Variants in PITPNM3 observed in about 807,000 individuals in gnomAD.
The protein encoded by PITPNM3 is membrane-associated phosphatidylinositol transfer protein 3.
A neutral mutation model predicts 102.0 loss-of-function variants in PITPNM3; 26 were observed. The observed-to-expected ratio is 0.25, with a 90% CI of 0.19 to 0.35. PITPNM3 has a LOEUF of 0.35. Ranked by LOEUF, PITPNM3 falls within the 10% of genes least tolerant of loss-of-function variation. The pLI, the probability that PITPNM3 is intolerant of heterozygous loss-of-function variation, is 1.00. For synonymous variants in PITPNM3, 578 were observed against 558.6 expected (o/e 1.03, Z -0.49); for missense variants, 1,083 against 1,346.1 (o/e 0.80, Z 3.06).
chr17:6,467,486 G>A (rs1904845218), intron 14 of PITPNM3, among the ~76,000 whole-genome samples: 2 of 152,174 alleles, frequency 1.3e-5, no homozygotes, highest in African/African-American at 4.8e-5. Flanking sequence ...ATCTAAATGG[G>A]TAAATTATAG....
At position 6,534,334 on chromosome 17, in the gene PITPNM3, A is replaced by G. The variant is rs536670242; in HGVS notation, c.118+3653T>C. ...AGTTGTTATGGTTCCAGAGAGCTCA[A>G]TACTCCTGCCTGACTGTTCCCTAAT... On this transcript the variant is annotated intron_variant, in intron 2 of 19. Transcript: ENST00000262483. 1.8e-4 allele frequency among the ~76,000 whole-genome samples: 28 copies of G among 152,286 alleles called. No individual in the cohort carries two copies. The East Asian group carries it at 5.4e-3, about 29-fold the overall frequency.
chr17:6,509,272 T>C (rs1286301087), intron 3 of PITPNM3, among the ~76,000 whole-genome samples: 1 of 152,132 alleles, frequency 6.6e-6, no homozygotes, highest in Non-Finnish European at 1.5e-5. Context: ...CAACAAATCA[T>C]GAGTTCCCCA....
intron 4 of PITPNM3, among the ~76,000 whole-genome samples, chr17:6,498,316 C>T (rs565335165): frequency 9.3e-4 from 142 of 152,212 alleles, no homozygotes; most frequent in Non-Finnish European, 1.9e-3. Context: ...GAAAACTGTG[C>T]TTAGAGAGTC....
intron 1 of PITPNM3, among the ~76,000 whole-genome samples, chr17:6,547,175 G>A (rs1232099481): frequency 1.3e-5 from 2 of 151,926 alleles, no homozygotes; most frequent in Non-Finnish European, 2.9e-5. Context: ...AAACTGATGT[G>A]CCTCCTGTCA....
chr17:6,476,280 C>T (rs1167050749), intron 9 of PITPNM3, among the ~76,000 whole-genome samples: 1 of 151,966 alleles, frequency 6.6e-6, no homozygotes, highest in Non-Finnish European at 1.5e-5. Flanking sequence ...GTAATGACCT[C>T]ATGATACTTA....
intron 2 of PITPNM3, among the ~76,000 whole-genome samples, chr17:6,527,166 T>C (rs963131296): frequency 7.2e-5 from 11 of 152,348 alleles, no homozygotes; most frequent in Admixed American, 7.2e-4. Context: ...ACAAATAATA[T>C]AGCAAATTTG....
chr17:6,524,253 C>T (rs559184215), intron 3 of PITPNM3, among the ~76,000 whole-genome samples: 119 of 152,132 alleles, frequency 7.8e-4, no homozygotes, highest in Non-Finnish European at 1.4e-3. Flanking sequence ...CAACTCTGGG[C>T]CAGAGCACGA....
rs2038218786 is a variant in PITPNM3 at position 6,470,528 on chromosome 17, C to T, written c.1625-120G>A. Reference sequence around the variant, plus strand: ...GCCCCACGTGGGGCACGGGTTTGGGCGGGAGCACCCTGGCCTGGAGGAGGC... The same window carrying T: ...GCCCCACGTGGGGCACGGGTTTGGGTGGGAGCACCCTGGCCTGGAGGAGGC... On this transcript the variant is annotated intron_variant, in intron 12 of 19. Coordinates refer to ENST00000262483, the MANE Select transcript of PITPNM3 (RefSeq NM_031220.4). The surrounding 1 kb of genome is among the most constrained non-coding windows in gnomAD (Gnocchi z 4.8). 3.0e-6 allele frequency: 4 copies of T among 1,355,328 alleles called. No individual in the cohort carries two copies. Among genetic ancestry groups the T allele is most frequent in the South Asian group, 2.4e-5 (2 of 83,596 alleles). The allele number at this position is 1,355,328 out of a possible 1,614,324, so 84.0% of individuals were successfully genotyped here. A position where few individuals can be genotyped will look rare whatever the true frequency, so the allele number is the denominator to read the frequency against.
In PITPNM3 at chr17:6,464,238, G is replaced by A. The variant is rs561217506; in HGVS notation, c.2088C>T (p.Arg696=). Residue 696 remains arginine, a synonymous_variant, in exon 16 of 20, where the codon CGC becomes CGT. Coordinates refer to ENST00000262483, the MANE Select transcript of PITPNM3 (RefSeq NM_031220.4). ...LDTEITNSSG[R]ITYNVPRPRR... ...GGGGCCGCGGCACATTGTATGTGAT[G>A]CGACCACTGCTGTTGGTGATCTCTG... 6.2e-7 allele frequency: 1 copy of A among 1,614,186 alleles called. No homozygotes were observed. Among genetic ancestry groups the A allele is most frequent in the South Asian group, 1.1e-5 (1 of 91,084 alleles).
In PITPNM3 at chr17:6,483,604, G is replaced by A. The variant is rs200248038; in HGVS notation, c.500C>T (p.Ala167Val). The change falls in exon 6 of 20, where the codon GCC becomes GTC. Residue 167 changes from alanine to valine, a missense_variant. Physicochemically the swap from Ala to Val is moderately conservative, Grantham distance 64 (BLOSUM62 0). Transcript: ENST00000262483. The stretch of plus-strand genomic sequence containing the variant: ...GTGGCCCAGGGCAGCAGGGAAATGG[G>A]CTCGTGTGACCTTCTCCAGCACGGA... ...FSSVLEKVTR[A>V]HFPAALGHIL... 15 of 1,614,126 alleles carry A rather than the reference G, an allele frequency of 9.3e-6. No individual in the cohort carries two copies. Among genetic ancestry groups the A allele is most frequent in the Non-Finnish European group, 1.2e-5 (14 of 1,180,028 alleles).
In PITPNM3 at chr17:6,489,520, G is replaced by A. The variant is rs368582115; in HGVS notation, c.275-5228C>T. 7.9e-5 allele frequency among the ~76,000 whole-genome samples: 12 copies of A among 151,876 alleles called. No individual in the cohort carries two copies. The East Asian group carries it at 9.6e-4, about 12-fold the overall frequency. ...AAACCGGCCCAGGTCACCAGGCCAG[G>A]GCTCTTCATCATCCTGAAGGAGGGG... On this transcript the variant is annotated intron_variant, in intron 4 of 19. Coordinates refer to ENST00000262483, the MANE Select transcript of PITPNM3 (RefSeq NM_031220.4).
In PITPNM3 at chr17:6,491,380, C is replaced by T. The variant is rs1906472818; in HGVS notation, c.275-7088G>A. On this transcript the variant is annotated intron_variant, in intron 4 of 19. Transcript: ENST00000262483. ...CCTGCGGCCACACAAGATGTGGGGA[C>T]CAACAGCCAGTAGCAGATGCGGATG... Among the ~76,000 whole-genome samples the T allele has an allele frequency of 2.0e-5, 3 of 152,106 alleles. No homozygotes were observed. In the South Asian group the frequency reaches 6.2e-4, roughly 32 times the overall value.
chr17:6,455,009 G>A lies in PITPNM3; in HGVS notation c.*329C>T, dbSNP rs1013856832. 2.7e-6 allele frequency: 1 copy of A among 366,154 alleles called. No homozygotes were observed. Among genetic ancestry groups the A allele is most frequent in the East Asian group, 5.0e-5 (1 of 20,044 alleles). The allele number at this position is 366,154 out of a possible 1,614,324, so 22.7% of individuals were successfully genotyped here. ...CTCGCTGTGAAGCCTGGGGACGCAG[G>A]AGGGTGGTCGACTTTGCCCAAACGC... is the stretch of plus-strand genomic sequence containing the variant. On this transcript the variant is annotated 3_prime_UTR_variant, in exon 20 of 20. Transcript: ENST00000262483.
chr17:6,552,512 C>T (rs1010963808), intron 1 of PITPNM3, among the ~76,000 whole-genome samples: 4 of 152,214 alleles, frequency 2.6e-5, no homozygotes, highest in African/African-American at 9.6e-5. Context: ...CCAGAGGGAT[C>T]TGTCGAAACA....
chr17:6,465,682 C>T (rs1904730365), intron 14 of PITPNM3, among the ~76,000 whole-genome samples: 1 of 152,190 alleles, frequency 6.6e-6, no homozygotes, highest in South Asian at 2.1e-4. Flanking sequence ...CTGGAGCAAT[C>T]CTGGACGCTG....
At chr17:6,527,566 T>G (rs1000854326) in intron 2 of PITPNM3, among the ~76,000 whole-genome samples, 4 of 152,160 alleles carry the variant, frequency 2.6e-5, no homozygotes, top group Non-Finnish European at 5.9e-5. Flanking sequence ...TTGGCCCCTA[T>G]GACATTCTAC....
intron 3 of PITPNM3, among the ~76,000 whole-genome samples, chr17:6,505,425 C>T (rs1050319949): frequency 1.3e-5 from 2 of 152,058 alleles, no homozygotes; most frequent in African/African-American, 2.4e-5. Context: ...ACCTAGGGGC[C>T]GTGACAAAGC....
intron 4 of PITPNM3, among the ~76,000 whole-genome samples, chr17:6,498,588 G>A (rs1597385961): frequency 2.6e-5 from 4 of 152,204 alleles, no homozygotes; most frequent in Admixed American, 2.6e-4. Context: ...GTGCACAGGA[G>A]GATGCAATGG....
rs752055255 is a variant in PITPNM3, at chr17:6,457,791, ACC to A, written c.2491-71_2491-70del. On this transcript the variant is annotated intron_variant, in intron 18 of 19. Coordinates refer to ENST00000262483, the MANE Select transcript of PITPNM3 (RefSeq NM_031220.4). The surrounding 1 kb of genome is among the most constrained non-coding windows in gnomAD (Gnocchi z 4.7). ...CCCCCTGGAAAGCCTTCCCAGGCCA[ACC>A]CCAGGGGGCCCCTGCTTGGGGACCC... is the stretch of plus-strand genomic sequence containing the variant. 1.3e-6 allele frequency: 2 copies of A among 1,543,734 alleles called. No individual in the cohort carries two copies. Among genetic ancestry groups the A allele is most frequent in the Non-Finnish European group, 1.7e-6 (2 of 1,144,046 alleles).
Sources: gnomAD v4.1 joint callset for allele counts (sites outside exome capture counted in the v4.1 genomes callset) on GRCh38, gnomAD v4.1.1 for gene constraint, Gnocchi (gnomAD v3.1) non-coding constraint, MANE v1.5 for transcripts, NCBI Gene and HGNC (gene_info 2026-07-23, HGNC 2026-07-21) for gene names.